The following TXNDC12 variants were observed in gnomAD, a reference collection of about 807,000 sequenced individuals.
The protein encoded by TXNDC12 is thioredoxin domain containing 12.
A neutral mutation model predicts 24.2 loss-of-function variants in TXNDC12; 22 were observed. The observed-to-expected ratio is 0.91, with a 90% CI of 0.65 to 1.30. The LOEUF (loss-of-function observed/expected upper bound fraction) is 1.30, where lower values mean the gene tolerates loss of function less well. Ranked by LOEUF, TXNDC12 falls within the 50% of genes most tolerant of loss-of-function variation. The probability of loss-of-function intolerance (pLI) is 0.00; values close to 1 mark genes in which losing one functional copy is unlikely to be tolerated. For synonymous variants in TXNDC12, 58 were observed against 73.4 expected, an observed-to-expected ratio of 0.79 and a Z score of 1.07; for missense variants, 184 against 205.8, an observed-to-expected ratio of 0.89 and a Z score of 0.65.
rs1571995721 is a variant in TXNDC12 at position 52,021,048 on chromosome 1, T to G, written c.440-36A>C. On this transcript the variant is annotated intron_variant, in intron 6 of 6. Coordinates refer to ENST00000371626, the MANE Select transcript of TXNDC12 (RefSeq NM_015913.4). ...AAGATTGGAGGAAAAAAGTATGAAGTAAGTAATGTTTGACATTTGACAACC... is the reference window on the plus strand; with the variant it reads ...AAGATTGGAGGAAAAAAGTATGAAGGAAGTAATGTTTGACATTTGACAACC... 4.7e-6 allele frequency: 7 copies of G among 1,476,718 alleles called. No individual in the cohort carries two copies. In the Middle Eastern group the frequency reaches 1.0e-3, roughly 217 times the overall value. The allele number at this position is 1,476,718 out of a possible 1,614,324, so 91.5% of individuals were successfully genotyped here. A position where few individuals can be genotyped will look rare whatever the true frequency, so the allele number is the denominator to read the frequency against.
At chr1:52,034,326 G>A (rs965525341) in intron 2 of TXNDC12, among the ~76,000 whole-genome samples, 1 of 152,160 alleles carries the variant, frequency 6.6e-6, no homozygotes, top group African/African-American at 2.4e-5. Context: ...ATGCAGGTGA[G>A]GTTATAAAAG....
rs1255065430 is a variant in TXNDC12, at chr1:52,021,014, T to C, written c.440-2A>G. 8.7e-6 allele frequency: 14 copies of C among 1,611,468 alleles called. No individual in the cohort carries two copies. The highest frequency in any genetic ancestry group is 1.3e-5 in the African/African-American group (1 of 74,896). ...GAGCTTCCTTCATCCCCTGAACAAC[T>C]GTGAAATAAAGATTGGAGGAAAAAA... On this transcript the variant is annotated splice_acceptor_variant, in intron 6 of 6. Transcript: ENST00000371626. LOFTEE classifies it high-confidence loss of function.
At chr1:52,050,644 C>T (rs897924057) in intron 1 of TXNDC12, among the ~76,000 whole-genome samples, 2 of 152,194 alleles carry the variant, frequency 1.3e-5, no homozygotes, top group Non-Finnish European at 1.5e-5. Context: ...GTACCTGAGA[C>T]ATAGAACATA....
intron 2 of TXNDC12, among the ~76,000 whole-genome samples, chr1:52,038,137 G>C (rs1685918619): frequency 6.6e-6 from 1 of 151,968 alleles, no homozygotes. Context: ...ATGTTGCCCA[G>C]GTTGGTCTTC....
Position 52,032,795 on chromosome 1 carries a change from G to A in TXNDC12, c.159-4165C>T, listed in dbSNP as rs755556446. 14 of 1,614,080 alleles carry A rather than the reference G, an allele frequency of 8.7e-6. No homozygotes were observed. Among genetic ancestry groups the A allele is most frequent in the Admixed American group, 1.7e-5 (1 of 60,004 alleles). ...ATTTTAGTGTACGAAATAAACTGGC[G>A]ACGAAGGCGACTCAGTTCTGCCATG... On this transcript the variant is annotated intron_variant, in intron 2 of 6. Coordinates refer to ENST00000371626, the MANE Select transcript of TXNDC12 (RefSeq NM_015913.4).
Position 52,020,849 on chromosome 1 carries a change from G to A in TXNDC12, c.*84C>T. The A allele has an allele frequency of 8.3e-7, 1 of 1,209,246 alleles. No homozygotes were observed. The highest frequency in any genetic ancestry group is 1.2e-6 in the Non-Finnish European group (1 of 823,676). The allele number at this position is 1,209,246 out of a possible 1,614,324, so 74.9% of individuals were successfully genotyped here. ...ATGAGGTTTCCTGGTCGGCTTAATT[G>A]TTCTAGATGATTCCTCAATATTCCC... On this transcript the variant is annotated 3_prime_UTR_variant, in exon 7 of 7. Transcript: ENST00000371626.
chr1:52,028,816 T>A (rs1386503974), intron 2 of TXNDC12, among the ~76,000 whole-genome samples, 186 bp from the exon 3 acceptor site: 3 of 152,168 alleles, frequency 2.0e-5, no homozygotes, highest in Non-Finnish European at 2.9e-5. Flanking sequence ...TTCTGTAAAT[T>A]CTGCAAACTT....
chr1:52,054,903 G>A, intron 1 of TXNDC12, 97 bp downstream of exon 1: 1 of 932,448 alleles, frequency 1.1e-6, no homozygotes. Context: ...TGGCCTAAGA[G>A]TTAGAATGGG....
chr1:52,027,162 A>G (rs891665982), intron 4 of TXNDC12, 113 bp downstream of exon 4: 4 of 713,462 alleles, frequency 5.6e-6, no homozygotes, highest in African/African-American at 5.4e-5. Context: ...AGAAAAACAC[A>G]TACATAAATT....
At chr1:52,024,754 G>T in intron 4 of TXNDC12, 175 bp from the exon 5 acceptor site, 1 of 557,244 alleles carries the variant, frequency 1.8e-6, no homozygotes, top group Admixed American at 3.0e-5. Flanking sequence ...CCCTTGTTAA[G>T]TCCTCTTCAG....
At chr1:52,022,317 C>A (rs1685609301) in intron 6 of TXNDC12, among the ~76,000 whole-genome samples, 1 of 152,122 alleles carries the variant, frequency 6.6e-6, no homozygotes, top group Admixed American at 6.6e-5. Context: ...TGAATTCCAA[C>A]CCCTGCCTCC....
intron 2 of TXNDC12, chr1:52,033,498 A>C (rs954788056): frequency 6.2e-6 from 10 of 1,613,896 alleles, no homozygotes; most frequent in Non-Finnish European, 8.5e-6. Flanking sequence ...AGAGCTCGTA[A>C]CGGAAACCTT....
chr1:52,050,178 T>C (rs1391410340), intron 1 of TXNDC12, among the ~76,000 whole-genome samples: 1 of 152,226 alleles, frequency 6.6e-6, no homozygotes, highest in Non-Finnish European at 1.5e-5. Context: ...CAAAGCAGAA[T>C]GGGAACACCA....
upstream of TXNDC12, chr1:52,055,376 G>A: frequency 2.4e-6 from 1 of 423,822 alleles, no homozygotes; most frequent in Non-Finnish European, 4.4e-6. Context: ...CCAGGTCCCG[G>A]GACGGAGCGG....
rs1571995376 is a variant in TXNDC12 at position 52,020,454 on chromosome 1, G to C, written c.*479C>G. 4.0e-6 allele frequency: 1 copy of C among 248,456 alleles called. No homozygotes were observed. The highest frequency in any genetic ancestry group is 2.2e-5 in the African/African-American group (1 of 44,656). The allele number at this position is 248,456 out of a possible 1,614,324, so 15.4% of individuals were successfully genotyped here. A position where few individuals can be genotyped will look rare whatever the true frequency, so the allele number is the denominator to read the frequency against. ...AAACAGGCTGATATCCTTGGTAGGGGGTAGAATAACTGATTTACACTTAGG... is the reference window on the plus strand; with the variant it reads ...AAACAGGCTGATATCCTTGGTAGGGCGTAGAATAACTGATTTACACTTAGG... On this transcript the variant is annotated 3_prime_UTR_variant, in exon 7 of 7. Transcript: ENST00000371626.
chr1:52,032,849 C>G, intron 2 of TXNDC12: 1 of 1,614,258 alleles, frequency 6.2e-7, no homozygotes, highest in Non-Finnish European at 8.5e-7. Context: ...CGCAAGTGCT[C>G]TGTGGTACCA....
intron 2 of TXNDC12, chr1:52,033,316 C>A (rs531560649): frequency 1.9e-6 from 3 of 1,613,892 alleles, no homozygotes; most frequent in Non-Finnish European, 2.5e-6. Context: ...GAGGACGCTG[C>A]TGCCCGCCGC....
At chr1:52,029,148 T>C (rs1448643244) in intron 2 of TXNDC12, among the ~76,000 whole-genome samples, 2 of 152,176 alleles carry the variant, frequency 1.3e-5, no homozygotes, top group Non-Finnish European at 2.9e-5. Flanking sequence ...AATGTTACAG[T>C]ATTTCTAAAT....
intron 1 of TXNDC12, among the ~76,000 whole-genome samples, chr1:52,047,403 G>C (rs745344780): frequency 6.6e-6 from 1 of 152,166 alleles, no homozygotes; most frequent in East Asian, 1.9e-4. Flanking sequence ...TGAAAAGACA[G>C]GAAGAAGTAT....
Sources: allele counts gnomAD v4.1 joint callset (sites outside exome capture counted in the v4.1 genomes callset), GRCh38; gene constraint gnomAD v4.1.1; transcripts MANE v1.5; gene names NCBI Gene and HGNC (gene_info 2026-07-23, HGNC 2026-07-21).